Variants in SYT1 observed in about 807,000 individuals in gnomAD.
The protein encoded by SYT1 is synaptotagmin-1.
In SYT1, 8 loss-of-function variants were observed where a neutral mutation model predicts 44.8. The observed-to-expected ratio is 0.18, with a 90% confidence interval of 0.10 to 0.32. The LOEUF is 0.32. SYT1 is among the 10% of genes least tolerant of loss of function. The probability of loss-of-function intolerance (pLI) is 1.00; values close to 1 mark genes in which losing one functional copy is unlikely to be tolerated. For synonymous variants in SYT1, 154 were observed against 188.8 expected (o/e 0.82, Z 1.51); for missense variants, 286 against 509.3 (o/e 0.56, Z 4.22).
chr12:79,220,843 C>A (rs775492358), intron 4 of SYT1, among the ~76,000 whole-genome samples: 1 of 152,072 alleles, frequency 6.6e-6, no homozygotes, highest in Non-Finnish European at 1.5e-5. Flanking sequence ...TATTTTGTGG[C>A]CTCACATACG....
At chr12:79,185,415 T>C (rs1872747405) in intron 3 of SYT1, among the ~76,000 whole-genome samples, 1 of 151,982 alleles carries the variant, frequency 6.6e-6, no homozygotes, top group Non-Finnish European at 1.5e-5. Context: ...GTGTGAGATT[T>C]TACAGAACAA....
At chr12:79,424,242 C>T (rs930212272) in intron 9 of SYT1, among the ~76,000 whole-genome samples, 1 of 151,972 alleles carries the variant, frequency 6.6e-6, no homozygotes, top group East Asian at 1.9e-4. Flanking sequence ...AGATGATTAT[C>T]AGTATTATGA....
At chr12:78,951,529 A>G (rs1427749603) in intron 1 of SYT1, among the ~76,000 whole-genome samples, 2 of 152,186 alleles carry the variant, frequency 1.3e-5, no homozygotes, top group Admixed American at 6.6e-5. Context: ...TTTGGTTTCC[A>G]GGACAACATT....
intron 2 of SYT1, among the ~76,000 whole-genome samples, chr12:79,040,838 A>C (rs1380482803): frequency 6.9e-6 from 1 of 144,338 alleles, no homozygotes; most frequent in Non-Finnish European, 1.5e-5. Context: ...AGCTTTCTAC[A>C]TATGGCTAGC....
chr12:79,268,885 C>A, intron 4 of SYT1, among the ~76,000 whole-genome samples: 1 of 151,770 alleles, frequency 6.6e-6, no homozygotes, highest in East Asian at 1.9e-4. Context: ...CACTGGCTGA[C>A]AAATTAGATT....
intron 1 of SYT1, among the ~76,000 whole-genome samples, chr12:78,877,679 T>TC (rs398116640): frequency 1.0e-3 from 154 of 151,668 alleles, no homozygotes; most frequent in Admixed American, 1.6e-3. Context: ...GTATTTTTTT[T>TC]CCTTTTTGAG....
chr12:78,878,423 G>A (rs186227497), intron 1 of SYT1, among the ~76,000 whole-genome samples: 70 of 151,882 alleles, frequency 4.6e-4, no homozygotes, highest in African/African-American at 1.6e-3. Flanking sequence ...GTCTGTAATT[G>A]ACTATGGCAT....
At chr12:79,184,205 T>TTGG (rs1227598990) in intron 3 of SYT1, among the ~76,000 whole-genome samples, 4 of 152,084 alleles carry the variant, frequency 2.6e-5, no homozygotes, top group Non-Finnish European at 5.9e-5. Flanking sequence ...CACAGGGATC[T>TTGG]TGGTGTTAGT....
At chr12:79,388,133 C>T (rs545016461) in intron 9 of SYT1, among the ~76,000 whole-genome samples, 119 of 152,312 alleles carry the variant, frequency 7.8e-4, no homozygotes, top group African/African-American at 2.7e-3. Context: ...CCTATGCATA[C>T]ATACTTTTTC....
At chr12:79,257,734 G>T (rs1328143609) in intron 4 of SYT1, among the ~76,000 whole-genome samples, 2 of 152,110 alleles carry the variant, frequency 1.3e-5, no homozygotes, top group Admixed American at 6.5e-5. Context: ...TGATCCGCTC[G>T]CCTCGGCCTC....
At chr12:79,178,532 T>G (rs2138383731) in intron 3 of SYT1, among the ~76,000 whole-genome samples, 1 of 152,132 alleles carries the variant, frequency 6.6e-6, no homozygotes, top group African/African-American at 2.4e-5. Flanking sequence ...TGTTTTGTTT[T>G]GTTTTGTTTT....
chr12:79,162,871 A>C (rs766105977), intron 3 of SYT1, among the ~76,000 whole-genome samples: 26 of 152,100 alleles, frequency 1.7e-4, no homozygotes, highest in African/African-American at 5.8e-4. Context: ...TCTAGATTTC[A>C]GGCAGAGTTT....
chr12:79,018,523 C>G (rs531208787), intron 2 of SYT1, among the ~76,000 whole-genome samples: 1 of 151,986 alleles, frequency 6.6e-6, no homozygotes, highest in African/African-American at 2.4e-5. Context: ...TTATTAAAGT[C>G]TTTCCTCTTA....
At chr12:78,954,246 C>A (rs1382774101) in intron 1 of SYT1, among the ~76,000 whole-genome samples, 1 of 152,104 alleles carries the variant, frequency 6.6e-6, no homozygotes, top group Non-Finnish European at 1.5e-5. Flanking sequence ...AGGATTCACT[C>A]AGTATATCCA....
chr12:79,212,885 T>A lies in SYT1; in HGVS notation c.-17-4618T>A, dbSNP rs1432619564. ...TAATCCTGGGAAAGCCACACTCCAG[T>A]TACTTCTGTAAAATAAGATTGAGTT... On this transcript the variant is annotated intron_variant, in intron 3 of 10. Coordinates refer to ENST00000261205, the MANE Select transcript of SYT1 (RefSeq NM_005639.3). Among the ~76,000 whole-genome samples the A allele has an allele frequency of 5.3e-5, 8 of 152,200 alleles. 1 individual carries two copies. Among genetic ancestry groups the A allele is most frequent in the Admixed American group, 2.6e-4 (4 of 15,278 alleles).
At chr12:79,346,505 A>G (rs572325743) in intron 8 of SYT1, among the ~76,000 whole-genome samples, 1 of 152,310 alleles carries the variant, frequency 6.6e-6, no homozygotes, top group Admixed American at 6.5e-5. Flanking sequence ...TAAAGCTGAA[A>G]TTCCTAATAG....
At chr12:79,161,062 A>G (rs1187911365) in intron 3 of SYT1, among the ~76,000 whole-genome samples, 1 of 152,032 alleles carries the variant, frequency 6.6e-6, no homozygotes, top group Non-Finnish European at 1.5e-5. Context: ...GCAAAAACCC[A>G]TATCTATTTT....
intron 9 of SYT1, among the ~76,000 whole-genome samples, chr12:79,396,031 A>G (rs1253269313): frequency 6.6e-6 from 1 of 152,218 alleles, no homozygotes; most frequent in Non-Finnish European, 1.5e-5. Flanking sequence ...ACCTGGGAAT[A>G]TAATTTTTAA....
chr12:78,956,742 T>C (rs1879239625), intron 1 of SYT1, among the ~76,000 whole-genome samples: 1 of 152,040 alleles, frequency 6.6e-6, no homozygotes, highest in Non-Finnish European at 1.5e-5. Context: ...AAAGATAAAA[T>C]TAAAAATATA....
Sources: gnomAD v4.1 joint callset for allele counts (sites outside exome capture counted in the v4.1 genomes callset) on GRCh38, gnomAD v4.1.1 for gene constraint, MANE v1.5 for transcripts, NCBI Gene and HGNC (gene_info 2026-07-23, HGNC 2026-07-21) for gene names.